HEPHL1: variants seen among roughly 807,000 people sequenced by gnomAD.
HEPHL1 encodes the protein hephaestin like 1.
In HEPHL1, 123 loss-of-function variants were observed where a neutral mutation model predicts 122.0. The ratio of observed to expected loss-of-function variants is 1.01; its 90% CI spans 0.87 to 1.17. HEPHL1 has a LOEUF of 1.17. Ranked by LOEUF, HEPHL1 falls within the 50% of genes most tolerant of loss-of-function variation. HEPHL1 has a pLI of 0.00. For missense variants in HEPHL1, 1,452 were observed against 1,430.5 expected (o/e 1.01, Z -0.24); for synonymous variants, 527 against 508.9 (o/e 1.04, Z -0.48).
Position 94,110,887 on chromosome 11 carries a change from T to A in HEPHL1, c.3046-16T>A, listed in dbSNP as rs774358676. On this transcript the variant is annotated splice_polypyrimidine_tract_variant and intron_variant, in intron 17 of 19. Coordinates refer to ENST00000315765, the MANE Select transcript of HEPHL1 (RefSeq NM_001098672.2). Reference sequence around the variant, plus strand: ...AAGAAGGCTACTAGCTGTTGTTTTTTAAAACGTTTTTGCAGATAGATAAAT... The same window carrying A: ...AAGAAGGCTACTAGCTGTTGTTTTTAAAAACGTTTTTGCAGATAGATAAAT... The A allele has an allele frequency of 1.2e-6, 2 of 1,603,278 alleles. No individual in the cohort carries two copies. The highest frequency in any genetic ancestry group is 1.7e-6 in the Non-Finnish European group (2 of 1,173,238).
At chr11:94,074,474 T>TGC (rs1946103928) in intron 8 of HEPHL1, among the ~76,000 whole-genome samples, 1 of 149,950 alleles carries the variant, frequency 6.7e-6, no homozygotes. Flanking sequence ...TGTGTGTGTG[T>TGC]GCAGAAAGAA....
chr11:94,088,990 G>T, intron 12 of HEPHL1, 22 bp downstream of exon 12: 1 of 1,608,454 alleles, frequency 6.2e-7, no homozygotes, highest in Non-Finnish European at 8.5e-7. Flanking sequence ...GCCGCCGCTA[G>T]GGCTCCTCGG....
At chr11:94,090,805 T>G (rs571145489) in intron 12 of HEPHL1, among the ~76,000 whole-genome samples, 1 of 152,288 alleles carries the variant, frequency 6.6e-6, no homozygotes, top group African/African-American at 2.4e-5. Context: ...TTGAACCATT[T>G]GTGGGTACAG....
At chr11:94,082,118 T>C (rs1265688985) in intron 9 of HEPHL1, among the ~76,000 whole-genome samples, 2 of 152,082 alleles carry the variant, frequency 1.3e-5, no homozygotes, top group Non-Finnish European at 2.9e-5. Flanking sequence ...CAGGTCAGGG[T>C]AAGGAGAAAA....
chr11:94,052,530 T>C (rs1945899061), intron 2 of HEPHL1, among the ~76,000 whole-genome samples: 1 of 152,158 alleles, frequency 6.6e-6, no homozygotes. Context: ...GTTAGGTTTT[T>C]CCAAATGTAA....
chr11:94,108,312 T>A (rs984193021), intron 17 of HEPHL1, among the ~76,000 whole-genome samples: 1 of 152,168 alleles, frequency 6.6e-6, no homozygotes, highest in African/African-American at 2.4e-5. Flanking sequence ...AAATCCTTTT[T>A]CAGTGATGTG....
At chr11:94,057,875 T>C (rs1278980452) in intron 2 of HEPHL1, among the ~76,000 whole-genome samples, 2 of 152,128 alleles carry the variant, frequency 1.3e-5, no homozygotes, top group East Asian at 3.8e-4. Context: ...TGGATATTTT[T>C]AAGAATATAA....
intron 1 of HEPHL1, among the ~76,000 whole-genome samples, chr11:94,043,388 A>G (rs1026658907): frequency 6.6e-6 from 1 of 152,120 alleles, no homozygotes; most frequent in Admixed American, 6.5e-5. Flanking sequence ...CCAACGAGAC[A>G]CTCTGTGGCT....
At chr11:94,042,659 G>A (rs368235624) in intron 1 of HEPHL1, among the ~76,000 whole-genome samples, 2 of 147,634 alleles carry the variant, frequency 1.4e-5, no homozygotes, top group Admixed American at 6.8e-5. Flanking sequence ...CTCACTCATA[G>A]GTGGGAATTG....
chr11:94,067,265 T>A lies in HEPHL1; in HGVS notation c.809-231T>A, dbSNP rs190636027. Reference sequence around the variant, plus strand: ...CAGCTCCGAGGCTGTTCTCAGTGTATGCTGATCTTCACTTTTATTGAGTGT... The same window carrying A: ...CAGCTCCGAGGCTGTTCTCAGTGTAAGCTGATCTTCACTTTTATTGAGTGT... On this transcript the variant is annotated intron_variant, in intron 4 of 19. Transcript: ENST00000315765. 1.9e-3 allele frequency among the ~76,000 whole-genome samples: 283 copies of A among 152,354 alleles called. 1 individual carries two copies. The highest frequency in any genetic ancestry group is 4.6e-3 in the Admixed American group (71 of 15,300).
intron 4 of HEPHL1, among the ~76,000 whole-genome samples, chr11:94,066,489 G>A (rs912255606): frequency 2.0e-5 from 3 of 151,914 alleles, no homozygotes; most frequent in Non-Finnish European, 4.4e-5. Flanking sequence ...AGGAGACAGA[G>A]GTTGCAGTGA....
chr11:94,112,004 A>G lies in HEPHL1; in HGVS notation c.*110A>G, dbSNP rs961945585. On this transcript the variant is annotated 3_prime_UTR_variant, in exon 20 of 20. Transcript: ENST00000315765. ...ACTCACCAAGGAAGGTTGACACTGTATCCTGGATCAGCCTTCTGATCCTCT... is the reference window on the plus strand; with the variant it reads ...ACTCACCAAGGAAGGTTGACACTGTGTCCTGGATCAGCCTTCTGATCCTCT... 6 of 689,330 alleles carry G rather than the reference A, an allele frequency of 8.7e-6. No homozygotes were observed. Among genetic ancestry groups the G allele is most frequent in the Non-Finnish European group, 1.4e-5 (6 of 434,954 alleles). 42.7% of individuals were successfully genotyped at this position (689,330 alleles called of 1,614,324 possible). A position where few individuals can be genotyped will look rare whatever the true frequency, so the allele number is the denominator to read the frequency against.
intron 2 of HEPHL1, among the ~76,000 whole-genome samples, chr11:94,049,924 G>A (rs1945875740): frequency 6.6e-6 from 1 of 152,096 alleles, no homozygotes; most frequent in Non-Finnish European, 1.5e-5. Context: ...TTGATAAATT[G>A]TAGGAAAATT....
chr11:94,101,187 G>C lies in HEPHL1; in HGVS notation c.2435-8G>C, dbSNP rs756399044. ...AATAATGCACACAGGCCTGTGTTTT[G>C]CCTTTAGGCCCAATGATTCATGCTG... On this transcript the variant is annotated splice_polypyrimidine_tract_variant and splice_region_variant and intron_variant, in intron 13 of 19. Transcript: ENST00000315765. 6.2e-7 allele frequency: 1 copy of C among 1,613,376 alleles called. No homozygotes were observed. The highest frequency in any genetic ancestry group is 1.3e-5 in the African/African-American group (1 of 74,876).
At chr11:94,089,868 C>T (rs1482405376) in intron 12 of HEPHL1, among the ~76,000 whole-genome samples, 3 of 152,034 alleles carry the variant, frequency 2.0e-5, no homozygotes, top group Admixed American at 6.6e-5. Context: ...ACGTTCTCTC[C>T]GGCACACTAC....
At chr11:94,060,731 T>C (rs760308999) in intron 2 of HEPHL1, among the ~76,000 whole-genome samples, 7 of 152,240 alleles carry the variant, frequency 4.6e-5, no homozygotes, top group Non-Finnish European at 7.3e-5. Flanking sequence ...GAGTTCAGGA[T>C]TGCCTGAGCC....
chr11:94,025,400 G>A (rs774284337), intron 1 of HEPHL1, among the ~76,000 whole-genome samples: 12 of 152,198 alleles, frequency 7.9e-5, no homozygotes, highest in South Asian at 4.1e-4. Flanking sequence ...TAAGGTGTGT[G>A]TTTGGTGGTA....
At chr11:94,047,358 C>T (rs1945849384) in intron 2 of HEPHL1, among the ~76,000 whole-genome samples, 1 of 152,124 alleles carries the variant, frequency 6.6e-6, no homozygotes, top group Non-Finnish European at 1.5e-5. Context: ...CTCCCTCCTC[C>T]AACCCTCCAC....
rs1322355613 is a variant in HEPHL1, at chr11:94,075,166, A to G, written c.1505-8A>G. The G allele has an allele frequency of 6.2e-7, 1 of 1,609,780 alleles. No homozygotes were observed. Among genetic ancestry groups the G allele is most frequent in the African/African-American group, 1.3e-5 (1 of 74,842 alleles). On this transcript the variant is annotated splice_region_variant and splice_polypyrimidine_tract_variant and intron_variant, in intron 8 of 19. Transcript: ENST00000315765. ...TGTTTTGAATAATTGTTTTGTTTAT[A>G]TCCTCAGGATTTGTGAAACCAGGGG... is the stretch of plus-strand genomic sequence containing the variant.
Sources: gnomAD v4.1 joint callset for allele counts (sites outside exome capture counted in the v4.1 genomes callset) on GRCh38, gnomAD v4.1.1 for gene constraint, MANE v1.5 for transcripts, NCBI Gene and HGNC (gene_info 2026-07-23, HGNC 2026-07-21) for gene names.